Variants in CHST12 observed in about 807,000 individuals in gnomAD.
The protein encoded by CHST12 is carbohydrate sulfotransferase 12, also known as carbohydrate (chondroitin 4) sulfotransferase 12.
In CHST12, 23 loss-of-function variants were observed where a neutral mutation model predicts 27.9. The ratio of observed to expected loss-of-function variants is 0.82; its 90% CI spans 0.59 to 1.17. The LOEUF is 1.17. Ranked by LOEUF, CHST12 falls within the 50% of genes most tolerant of loss-of-function variation. The pLI is 0.00. For synonymous variants in CHST12, 322 were observed against 273.0 expected, an observed-to-expected ratio of 1.18 and a Z score of -1.77; for missense variants, 682 against 603.0, an observed-to-expected ratio of 1.13 and a Z score of -1.37.
chr7:2,408,205 T>TA (rs1025521691), intron 1 of CHST12, among the ~76,000 whole-genome samples: 5 of 151,220 alleles, frequency 3.3e-5, no homozygotes, highest in African/African-American at 1.2e-4. Context: ...CCCTGGCTAA[T>TA]ACAAAAATTA....
intron 1 of CHST12, among the ~76,000 whole-genome samples, chr7:2,420,691 C>T (rs1781948053): frequency 6.6e-6 from 1 of 152,078 alleles, no homozygotes; most frequent in South Asian, 2.1e-4. Flanking sequence ...CTCAGCTACT[C>T]AGGAGGCTGC....
At chr7:2,403,913 G>A (rs1323494578) in intron 1 of CHST12, among the ~76,000 whole-genome samples, 4 of 152,126 alleles carry the variant, frequency 2.6e-5, no homozygotes, top group African/African-American at 9.7e-5. Context: ...CGGCCAGGGG[G>A]ACCCAGCCCT....
chr7:2,420,120 C>T (rs936575306), intron 1 of CHST12, among the ~76,000 whole-genome samples: 5 of 151,772 alleles, frequency 3.3e-5, no homozygotes, highest in African/African-American at 4.8e-5. Context: ...ACTACAGGCG[C>T]CCGTCAGCAT....
At chr7:2,414,013 G>A (rs989602723) in intron 1 of CHST12, among the ~76,000 whole-genome samples, 1 of 152,060 alleles carries the variant, frequency 6.6e-6, no homozygotes, top group Non-Finnish European at 1.5e-5. Context: ...ACGGGCATGA[G>A]CCACCACGCC....
At chr7:2,420,939 A>T (rs1460627200) in intron 1 of CHST12, among the ~76,000 whole-genome samples, 1 of 152,170 alleles carries the variant, frequency 6.6e-6, no homozygotes, top group Non-Finnish European at 1.5e-5. Flanking sequence ...ATCTCAGCTC[A>T]CTGCAACCTC....
chr7:2,410,307 CT>C (rs1391702149), intron 1 of CHST12, among the ~76,000 whole-genome samples: 1 of 152,170 alleles, frequency 6.6e-6, no homozygotes, highest in Non-Finnish European at 1.5e-5. Flanking sequence ...GAGGACCTCC[CT>C]TTTAAGTCAG....
At chr7:2,403,478 C>G (rs1372932503), upstream of CHST12, 1 of 151,818 alleles carries the variant, frequency 6.6e-6, no homozygotes, top group Non-Finnish European at 1.5e-5. Flanking sequence ...CGGGCGCAGG[C>G]GCGCTGAGGG....
In CHST12 at chr7:2,412,032, C is replaced by CT. The variant is rs1301970643; in HGVS notation, c.-78+8360dup. On this transcript the variant is annotated intron_variant, in intron 1 of 1. Transcript: ENST00000618655. ...ACGGGAAGGAAGAGAACAGGGTGAGCTGATAGCCTCTGTGCTCTAGGACCG... is the reference window on the plus strand; with the variant it reads ...ACGGGAAGGAAGAGAACAGGGTGAGCTTGATAGCCTCTGTGCTCTAGGACCG... 1.4e-4 allele frequency among the ~76,000 whole-genome samples: 22 copies of CT among 152,122 alleles called. No homozygotes were observed. In the East Asian group the frequency reaches 4.1e-3, roughly 28 times the overall value.
In CHST12 at chr7:2,446,369, C is replaced by T. The variant is rs2906175; in HGVS notation, c.*12485C>T. Reference sequence around the variant, plus strand: ...GCAGAGGGGAGGAGAGAGGAAAAACCCAGGCTCTGAGGAAAAACCTCTCCA... The same window carrying T: ...GCAGAGGGGAGGAGAGAGGAAAAACTCAGGCTCTGAGGAAAAACCTCTCCA... On this transcript the variant is annotated 3_prime_UTR_variant, in exon 2 of 2. Coordinates refer to ENST00000618655, the MANE Select transcript of CHST12 (RefSeq NM_018641.5). 0.45 allele frequency: 68,273 copies of T among 152,590 alleles called. 16,743 individuals carry two copies. Among genetic ancestry groups the T allele is most frequent in the East Asian group, 0.77 (3,990 of 5,162 alleles). 9.5% of individuals were successfully genotyped at this position (152,590 alleles called of 1,614,324 possible). A position where few individuals can be genotyped will look rare whatever the true frequency, so the allele number is the denominator to read the frequency against.
At chr7:2,428,904 A>G (rs1209424154) in intron 1 of CHST12, among the ~76,000 whole-genome samples, 1 of 152,174 alleles carries the variant, frequency 6.6e-6, no homozygotes, top group Non-Finnish European at 1.5e-5. Flanking sequence ...CCTTAACCCT[A>G]AAGAGGCCTA....
In CHST12 at chr7:2,416,689, C is replaced by G. The variant is rs570153903; in HGVS notation, c.-78+13016C>G. 2.0e-5 allele frequency among the ~76,000 whole-genome samples: 3 copies of G among 152,168 alleles called. No homozygotes were observed. In the South Asian group the frequency reaches 6.2e-4, roughly 32 times the overall value. On this transcript the variant is annotated intron_variant, in intron 1 of 1. Transcript: ENST00000618655. ...CATTGTAGGATCTGTGGCCTGTGTGCTTTTTCTAAAGAGGGTTTTGGAAAC... is the reference window on the plus strand; with the variant it reads ...CATTGTAGGATCTGTGGCCTGTGTGGTTTTTCTAAAGAGGGTTTTGGAAAC...
At position 2,444,303 on chromosome 7, in the gene CHST12, A is replaced by AAAAAATAC. The variant is rs1782692938; in HGVS notation, c.*10426_*10433dup. 1 of 150,916 alleles carries AAAAAATAC rather than the reference A, an allele frequency of 6.6e-6. No homozygotes were observed. The highest frequency in any genetic ancestry group is 2.4e-5 in the African/African-American group (1 of 41,092). The allele number at this position is 150,916 out of a possible 1,614,324, so 9.3% of individuals were successfully genotyped here. On this transcript the variant is annotated 3_prime_UTR_variant, in exon 2 of 2. Transcript: ENST00000618655. ...CGTCTCAAAAAAAAAAAAAAAAAAA[A>AAAAAATAC]AAAAATACAAAAATTAGCTGGGTGT...
At chr7:2,431,335 G>C (rs1782264747) in intron 1 of CHST12, among the ~76,000 whole-genome samples, 1 of 152,190 alleles carries the variant, frequency 6.6e-6, no homozygotes, top group Non-Finnish European at 1.5e-5. Flanking sequence ...ATATTTGCAT[G>C]ATTAATGTTT....
upstream of CHST12, chr7:2,403,484 G>A (rs1781435390): frequency 6.6e-6 from 1 of 151,862 alleles, no homozygotes; most frequent in Non-Finnish European, 1.5e-5. Flanking sequence ...CAGGCGCGCT[G>A]AGGGCGGGCG....
At chr7:2,409,932 C>G (rs1251411377) in intron 1 of CHST12, among the ~76,000 whole-genome samples, 1 of 152,048 alleles carries the variant, frequency 6.6e-6, no homozygotes, top group African/African-American at 2.4e-5. Context: ...GGTCATTTAT[C>G]AGAGATTCTG....
In CHST12 at chr7:2,436,398, C is replaced by G. The variant is rs548936055; in HGVS notation, c.*2514C>G. On this transcript the variant is annotated 3_prime_UTR_variant, in exon 2 of 2. Transcript: ENST00000618655. ...TCCTTTTGGGACTGAAGTACTTCAC[C>G]TCATGCAATGTCCTCTAGGTTCATC... 7.2e-5 allele frequency: 11 copies of G among 152,336 alleles called. No homozygotes were observed. The East Asian group carries it at 1.7e-3, about 24-fold the overall frequency. The allele number at this position is 152,336 out of a possible 1,614,324, so 9.4% of individuals were successfully genotyped here. A position where few individuals can be genotyped will look rare whatever the true frequency, so the allele number is the denominator to read the frequency against.
rs1782430448 is a variant in CHST12 at position 2,434,698 on chromosome 7, C to CA, written c.*815dup. ...GGAAAGATTGCTTGAACCCAGGAGG[C>CA]AGAGGCTGCAGTGAGCTGAGATCGC... On this transcript the variant is annotated 3_prime_UTR_variant, in exon 2 of 2. Transcript: ENST00000618655. The CA allele has an allele frequency of 2.0e-5, 3 of 149,022 alleles. No individual in the cohort carries two copies. The Admixed American group carries it at 2.1e-4, about 10-fold the overall frequency. 9.2% of individuals were successfully genotyped at this position (149,022 alleles called of 1,614,324 possible).
chr7:2,430,835 G>C (rs531673258), intron 1 of CHST12, among the ~76,000 whole-genome samples: 2 of 152,326 alleles, frequency 1.3e-5, no homozygotes, highest in African/African-American at 2.4e-5. Flanking sequence ...TGATCCACCC[G>C]CCTTGGCCAC....
intron 1 of CHST12, among the ~76,000 whole-genome samples, chr7:2,412,355 C>A (rs1179861194): frequency 6.6e-6 from 1 of 152,120 alleles, no homozygotes; most frequent in Non-Finnish European, 1.5e-5. Context: ...AATATTGACA[C>A]CAGGAACAGA....
Sources: gnomAD v4.1 joint callset for allele counts (sites outside exome capture counted in the v4.1 genomes callset) on GRCh38, gnomAD v4.1.1 for gene constraint, MANE v1.5 for transcripts, NCBI Gene and HGNC (gene_info 2026-07-23, HGNC 2026-07-21) for gene names.